MAGI2: variants seen among roughly 807,000 people sequenced by gnomAD.
The protein encoded by MAGI2 is membrane associated guanylate kinase, WW and PDZ domain containing 2.
Under a neutral mutation model 133.3 loss-of-function variants are expected in MAGI2, and 35 were observed. The ratio of observed to expected loss-of-function variants is 0.26; its 90% confidence interval spans 0.20 to 0.35. MAGI2 has a LOEUF of 0.35. MAGI2 is among the 10% of genes least tolerant of loss of function. MAGI2 has a pLI of 1.00. For synonymous variants in MAGI2, 729 were observed against 710.6 expected (o/e 1.03, Z -0.41); for missense variants, 1,636 against 1,863.4 (o/e 0.88, Z 2.25).
At chr7:78,841,096 G>A (rs527643245) in intron 2 of MAGI2, among the ~76,000 whole-genome samples, 5 of 151,814 alleles carry the variant, frequency 3.3e-5, no homozygotes, top group African/African-American at 1.2e-4. Flanking sequence ...ACCATGTAAC[G>A]GCTGACTTCT....
At chr7:79,129,415 T>G (rs1820713546) in intron 1 of MAGI2, among the ~76,000 whole-genome samples, 1 of 152,164 alleles carries the variant, frequency 6.6e-6, no homozygotes, top group South Asian at 2.1e-4. Context: ...AATCTAGTAC[T>G]CCAAATGTGA....
intron 1 of MAGI2, among the ~76,000 whole-genome samples, chr7:79,247,656 TA>T (rs906245969): frequency 2.0e-5 from 3 of 152,170 alleles, no homozygotes; most frequent in Middle Eastern, 3.4e-3. Flanking sequence ...TAACAACTTT[TA>T]AAGACACAGT....
intron 13 of MAGI2, among the ~76,000 whole-genome samples, chr7:78,178,410 A>G (rs186954969): frequency 5.5e-4 from 84 of 152,324 alleles, no homozygotes; most frequent in Admixed American, 2.2e-3. Flanking sequence ...TCCTGAGAGC[A>G]TTCAGATTGC....
chr7:78,670,977 TAA>T (rs1814313377), intron 2 of MAGI2, among the ~76,000 whole-genome samples: 1 of 152,154 alleles, frequency 6.6e-6, no homozygotes, highest in South Asian at 2.1e-4. Flanking sequence ...GAAAATACTT[TAA>T]GACTCTATGA....
At chr7:79,110,083 A>G (rs572046044) in intron 1 of MAGI2, among the ~76,000 whole-genome samples, 26 of 151,614 alleles carry the variant, frequency 1.7e-4, no homozygotes, top group Admixed American at 4.0e-4. Flanking sequence ...TGGTTTCCAC[A>G]TGGTTTTAAG....
At chr7:78,694,696 C>T (rs2151131627) in intron 2 of MAGI2, among the ~76,000 whole-genome samples, 1 of 152,148 alleles carries the variant, frequency 6.6e-6, no homozygotes, top group Admixed American at 6.5e-5. Context: ...GATTTAAATC[C>T]CAGATTTGTC....
intron 1 of MAGI2, among the ~76,000 whole-genome samples, chr7:79,244,382 C>T (rs1832661024): frequency 6.6e-6 from 1 of 152,186 alleles, no homozygotes; most frequent in Non-Finnish European, 1.5e-5. Flanking sequence ...CATTGAATTG[C>T]TGACACTACC....
chr7:78,685,787 G>C (rs1384284728), intron 2 of MAGI2, among the ~76,000 whole-genome samples: 2 of 151,822 alleles, frequency 1.3e-5, no homozygotes, highest in Non-Finnish European at 2.9e-5. Flanking sequence ...AGGAGAGAGA[G>C]GGAAGGCAAG....
chr7:78,752,516 C>T (rs111877113), intron 2 of MAGI2, among the ~76,000 whole-genome samples: 6,380 of 152,158 alleles, frequency 0.042, 420 homozygotes, highest in African/African-American at 0.14. Context: ...GGCAGGAGAA[C>T]TGCTTGAACC....
intron 2 of MAGI2, among the ~76,000 whole-genome samples, chr7:78,698,853 A>T (rs1817779682): frequency 6.6e-6 from 1 of 152,172 alleles, no homozygotes; most frequent in African/African-American, 2.4e-5. Context: ...GCATGAGGGT[A>T]ACCACCCCAT....
chr7:78,616,048 A>G (rs1807050430), intron 3 of MAGI2: 5 of 152,218 alleles, frequency 3.3e-5, no homozygotes, highest in Admixed American at 2.6e-4. Flanking sequence ...AATAATAAAC[A>G]AACCTATCCT....
At chr7:79,035,529 C>A (rs1811049419) in intron 1 of MAGI2, among the ~76,000 whole-genome samples, 1 of 152,012 alleles carries the variant, frequency 6.6e-6, no homozygotes, top group Non-Finnish European at 1.5e-5. Context: ...TTTATGTAGT[C>A]TTTCTAAAAA....
At chr7:79,027,651 T>C (rs940303604) in intron 1 of MAGI2, among the ~76,000 whole-genome samples, 3 of 152,134 alleles carry the variant, frequency 2.0e-5, no homozygotes, top group African/African-American at 7.2e-5. Flanking sequence ...ATTGTACATT[T>C]CCAAATTGCT....
At chr7:79,010,296 C>T (rs1336651525) in intron 1 of MAGI2, among the ~76,000 whole-genome samples, 2 of 151,904 alleles carry the variant, frequency 1.3e-5, no homozygotes, top group South Asian at 2.1e-4. Context: ...AATGTATACA[C>T]ATACACATAC....
rs1554473311 is a variant in MAGI2, at chr7:78,557,097, A to AAAAAAAGAAAG, written c.539-35453_539-35452insCTTTCTTTTTT. On this transcript the variant is annotated intron_variant, in intron 3 of 21. Coordinates refer to ENST00000354212, the MANE Select transcript of MAGI2 (RefSeq NM_012301.4). The stretch of plus-strand genomic sequence containing the variant: ...CAGAGTCTCAAAAAAAAAAAAAAAA[A>AAAAAAAGAAAG]AAAGAAAAAGAAAAAAAAAGAATTT... Among the ~76,000 whole-genome samples the AAAAAAAGAAAG allele has an allele frequency of 3.6e-5, 5 of 139,008 alleles. No individual in the cohort carries two copies. In the East Asian group the frequency reaches 6.6e-4, roughly 18 times the overall value. 91.2% of individuals were successfully genotyped at this position (139,008 alleles called of 152,430 possible).
At chr7:79,157,548 C>T (rs1158587634) in intron 1 of MAGI2, among the ~76,000 whole-genome samples, 1 of 103,036 alleles carries the variant, frequency 9.7e-6, no homozygotes, top group African/African-American at 2.9e-5. Context: ...CATCTCAGAT[C>T]CTCCTTTTAA....
chr7:78,728,692 A>G (rs1479675066), intron 2 of MAGI2, among the ~76,000 whole-genome samples: 1 of 123,776 alleles, frequency 8.1e-6, no homozygotes, highest in Non-Finnish European at 1.7e-5. Flanking sequence ...CAGCCTCCCA[A>G]GTAGCTGGGA....
At chr7:78,915,745 C>T (rs569327298) in intron 2 of MAGI2, among the ~76,000 whole-genome samples, 3 of 150,632 alleles carry the variant, frequency 2.0e-5, no homozygotes. Flanking sequence ...AAGAAGAGTA[C>T]ACTTGTGCAC....
chr7:79,216,076 C>A (rs1393533311), intron 1 of MAGI2, among the ~76,000 whole-genome samples: 1 of 151,858 alleles, frequency 6.6e-6, no homozygotes, highest in Non-Finnish European at 1.5e-5. Flanking sequence ...CCACATCCCT[C>A]TATCCTGTAA....
Sources: allele counts gnomAD v4.1 joint callset (sites outside exome capture counted in the v4.1 genomes callset), GRCh38; gene constraint gnomAD v4.1.1; transcripts MANE v1.5; gene names NCBI Gene and HGNC (gene_info 2026-07-23, HGNC 2026-07-21).